Variants in GRM1 observed in about 807,000 individuals in gnomAD.
GRM1 encodes the protein glutamate metabotropic receptor 1, also known as metabotropic glutamate receptor 1.
GRM1 carries 33 observed loss-of-function variants against 90.9 expected under a neutral mutation model. The observed-to-expected ratio is 0.36, with a 90% confidence interval of 0.28 to 0.49. The LOEUF (loss-of-function observed/expected upper bound fraction) is 0.49. Among genes scored for constraint, GRM1 ranks in the 20% least tolerant of loss-of-function variants. GRM1 has a pLI of 0.99. For synonymous variants in GRM1, 700 were observed against 613.2 expected (o/e 1.14, Z -2.09); for missense variants, 1,190 against 1,534.3 (o/e 0.78, Z 3.75).
chr6:146,428,437 G>T (rs1239169317), intron 7 of GRM1, among the ~76,000 whole-genome samples: 1 of 152,176 alleles, frequency 6.6e-6, no homozygotes, highest in Non-Finnish European at 1.5e-5. Flanking sequence ...TTTTCCAGTT[G>T]CAGGAAATAT....
chr6:146,341,607 G>A (rs956739239), intron 3 of GRM1, among the ~76,000 whole-genome samples: 2 of 152,122 alleles, frequency 1.3e-5, no homozygotes, highest in Non-Finnish European at 2.9e-5. Context: ...GACATCATCC[G>A]AAAAGGGAAT....
chr6:146,115,979 A>C (rs1418751628), intron 1 of GRM1, among the ~76,000 whole-genome samples: 1 of 152,092 alleles, frequency 6.6e-6, no homozygotes, highest in Non-Finnish European at 1.5e-5. Context: ...GTTTCATTTA[A>C]AATATTTTCT....
chr6:146,300,731 C>T (rs1250076771), intron 2 of GRM1, among the ~76,000 whole-genome samples: 2 of 151,840 alleles, frequency 1.3e-5, no homozygotes, highest in Admixed American at 1.3e-4. Context: ...GGGTCACTAC[C>T]CAGCACAGCA....
intron 7 of GRM1, among the ~76,000 whole-genome samples, chr6:146,403,817 T>G (rs1777238229): frequency 6.6e-6 from 1 of 152,152 alleles, no homozygotes; most frequent in Non-Finnish European, 1.5e-5. Flanking sequence ...TGCTAAATTT[T>G]TATTATTTTT....
chr6:146,189,331 G>A (rs1778852450), intron 2 of GRM1, among the ~76,000 whole-genome samples: 1 of 152,010 alleles, frequency 6.6e-6, no homozygotes, highest in Admixed American at 6.6e-5. Context: ...TTTGAGCCTC[G>A]CTCAACTCTG....
At chr6:146,350,688 T>C (rs890460444) in intron 3 of GRM1, among the ~76,000 whole-genome samples, 1 of 152,216 alleles carries the variant, frequency 6.6e-6, no homozygotes, top group Non-Finnish European at 1.5e-5. Flanking sequence ...CTACTCTGTT[T>C]AAATGAATCT....
At chr6:146,052,044 C>T (rs2128848892) in intron 1 of GRM1, among the ~76,000 whole-genome samples, 1 of 151,996 alleles carries the variant, frequency 6.6e-6, no homozygotes, top group East Asian at 1.9e-4. Context: ...TTATATAGCA[C>T]TTATTACAAC....
chr6:146,359,209 G>C (rs893165877), intron 5 of GRM1, among the ~76,000 whole-genome samples: 1 of 152,196 alleles, frequency 6.6e-6, no homozygotes, highest in African/African-American at 2.4e-5. Flanking sequence ...TGAGGCTGCT[G>C]ATGATATAAG....
chr6:146,394,121 G>A (rs1003393401), intron 6 of GRM1, among the ~76,000 whole-genome samples: 5 of 151,598 alleles, frequency 3.3e-5, no homozygotes, highest in African/African-American at 4.8e-5. Flanking sequence ...ACTCAAGATG[G>A]ATTAAAGATT....
chr6:146,314,256 A>T (rs1465634511), intron 3 of GRM1, among the ~76,000 whole-genome samples: 24 of 146,670 alleles, frequency 1.6e-4, no homozygotes, highest in African/African-American at 4.1e-4. Context: ...TGGTATTTTT[A>T]GTAGAGATGG....
At chr6:146,051,143 G>A (rs987225795) in intron 1 of GRM1, among the ~76,000 whole-genome samples, 9 of 152,034 alleles carry the variant, frequency 5.9e-5, no homozygotes, top group Non-Finnish European at 1.3e-4. Flanking sequence ...TCTTAGAGCC[G>A]TGTGACTTTA....
At chr6:146,083,459 T>C (rs572703747) in intron 1 of GRM1, among the ~76,000 whole-genome samples, 9 of 152,218 alleles carry the variant, frequency 5.9e-5, no homozygotes, top group Non-Finnish European at 1.3e-4. Flanking sequence ...TTGAATATTA[T>C]TGAAGGCCTT....
At chr6:146,136,909 G>C (rs1776645909) in intron 1 of GRM1, among the ~76,000 whole-genome samples, 1 of 130,578 alleles carries the variant, frequency 7.7e-6, no homozygotes, top group Admixed American at 9.2e-5. Context: ...CTGAAGTGCA[G>C]TTGCACAATC....
chr6:146,123,570 C>G (rs1273798415), intron 1 of GRM1, among the ~76,000 whole-genome samples: 2 of 152,194 alleles, frequency 1.3e-5, no homozygotes, highest in East Asian at 3.9e-4. Flanking sequence ...AGGCTAGAAG[C>G]TCATGATACA....
intron 1 of GRM1, among the ~76,000 whole-genome samples, chr6:146,129,347 C>G (rs1483486969): frequency 2.0e-5 from 3 of 152,122 alleles, no homozygotes; most frequent in Non-Finnish European, 4.4e-5. Flanking sequence ...TGGCCTTCTT[C>G]TTGAAGTGCA....
chr6:146,366,712 G>C (rs1775703672), intron 5 of GRM1, among the ~76,000 whole-genome samples: 1 of 152,074 alleles, frequency 6.6e-6, no homozygotes. Context: ...TTTGAGATAT[G>C]TCTAGGTTTT....
chr6:146,301,698 G>A (rs1783388791), intron 2 of GRM1, among the ~76,000 whole-genome samples: 1 of 151,870 alleles, frequency 6.6e-6, no homozygotes, highest in African/African-American at 2.4e-5. Flanking sequence ...AGCCTAACTG[G>A]TCTTATTTTT....
At chr6:146,198,127 C>T (rs577069668) in intron 2 of GRM1, among the ~76,000 whole-genome samples, 2 of 152,340 alleles carry the variant, frequency 1.3e-5, no homozygotes, top group Non-Finnish European at 2.9e-5. Flanking sequence ...AAATTGTACA[C>T]ATTAAATACA....
chr6:146,291,916 A>C (rs1251793147), intron 2 of GRM1, among the ~76,000 whole-genome samples: 2 of 152,068 alleles, frequency 1.3e-5, no homozygotes, highest in Non-Finnish European at 2.9e-5. Context: ...TTCAAAACTT[A>C]CTACAAAGCC....
Sources: gnomAD v4.1 joint callset for allele counts (sites outside exome capture counted in the v4.1 genomes callset) on GRCh38, gnomAD v4.1.1 for gene constraint, MANE v1.5 for transcripts, NCBI Gene and HGNC (gene_info 2026-07-23, HGNC 2026-07-21) for gene names.